The following PNLIPRP3 variants were observed in gnomAD, a reference collection of about 807,000 sequenced individuals.
PNLIPRP3 encodes the protein pancreatic lipase related protein 3.
PNLIPRP3 carries 58 observed loss-of-function variants against 52.8 expected under a neutral mutation model. The ratio of observed to expected loss-of-function variants is 1.10; its 90% CI spans 0.89 to 1.37. PNLIPRP3 has a LOEUF of 1.37. Ranked by LOEUF, PNLIPRP3 falls within the 40% of genes most tolerant of loss-of-function variation. The probability of loss-of-function intolerance (pLI) is 0.00; values close to 1 mark genes in which losing one functional copy is unlikely to be tolerated. For missense variants in PNLIPRP3, 593 were observed against 561.6 expected, an observed-to-expected ratio of 1.06 and a Z score of -0.57; for synonymous variants, 192 against 185.0, an observed-to-expected ratio of 1.04 and a Z score of -0.31.
intron 11 of PNLIPRP3, 132 bp downstream of exon 11, chr10:116,476,951 G>A: frequency 1.7e-6 from 2 of 1,193,278 alleles, no homozygotes; most frequent in Non-Finnish European, 2.3e-6. Context: ...TAAAGAAAGG[G>A]AAAAGTTAAG....
chr10:116,472,117 T>C (rs1459388022), intron 10 of PNLIPRP3, among the ~76,000 whole-genome samples: 4 of 152,152 alleles, frequency 2.6e-5, no homozygotes, highest in Non-Finnish European at 5.9e-5. Flanking sequence ...AACATGAAAA[T>C]ACAGATCTAG....
At chr10:116,452,633 G>C (rs1435624280) in intron 4 of PNLIPRP3, among the ~76,000 whole-genome samples, 3 of 152,170 alleles carry the variant, frequency 2.0e-5, no homozygotes, top group African/African-American at 7.2e-5. Flanking sequence ...CTGCATCCCA[G>C]CTGCTCAGGC....
chr10:116,448,040 A>G (rs145585379), intron 4 of PNLIPRP3, among the ~76,000 whole-genome samples: 45 of 121,290 alleles, frequency 3.7e-4, no homozygotes, highest in African/African-American at 1.2e-3. Flanking sequence ...GAAAGAAAGA[A>G]AGAGAAAGAA....
chr10:116,433,114 CAAAAAAAAAAAAAAA>C (rs71010080), intron 1 of PNLIPRP3, among the ~76,000 whole-genome samples: 20 of 8,506 alleles, frequency 2.4e-3, no homozygotes, highest in Admixed American at 0.019. Context: ...AACTCCATCT[CAAAAAAAAAAAAAAA>C]AAAAAAAAAA....
chr10:116,454,979 G>A (rs866958240), intron 4 of PNLIPRP3, among the ~76,000 whole-genome samples: 1 of 152,114 alleles, frequency 6.6e-6, no homozygotes, highest in Non-Finnish European at 1.5e-5. Context: ...CTCCATAGTG[G>A]CTATACCTAT....
At chr10:116,466,254 G>C in intron 8 of PNLIPRP3, 86 bp downstream of exon 8, 1 of 990,064 alleles carries the variant, frequency 1.0e-6, no homozygotes, top group South Asian at 1.6e-5. Context: ...GCTTTGTGTA[G>C]GTAGCAAAAA....
At position 116,455,730 on chromosome 10, in the gene PNLIPRP3, T is replaced by G; in HGVS notation, c.465T>G (p.Phe155Leu). Residue 155 changes from phenylalanine (F) to leucine (L), a missense_variant, in exon 5 of 12, where the codon TTT becomes TTG. Coordinates refer to ENST00000369230, the MANE Select transcript of PNLIPRP3 (RefSeq NM_001011709.3). ...AYFIDVLMKK[F>L]EYSPSKVHLI... The stretch of plus-strand genomic sequence containing the variant: ...TTAAACAATTCTTTCAGAAAAAATT[T>G]GAATATTCCCCTTCTAAAGTGCACT... 6.2e-7 allele frequency: 1 copy of G among 1,613,156 alleles called. No individual in the cohort carries two copies. Among genetic ancestry groups the G allele is most frequent in the Non-Finnish European group, 8.5e-7 (1 of 1,179,368 alleles).
rs1845917177 is a variant in PNLIPRP3, at chr10:116,444,642, T to G, written c.456+129T>G. ...ACTGAACATGTGAAATAATAAGCAT[T>G]TGTATATGGCAGACAAAAAAGGAAA... On this transcript the variant is annotated intron_variant, in intron 4 of 11. Transcript: ENST00000369230. 5.2e-6 allele frequency: 5 copies of G among 959,564 alleles called. No individual in the cohort carries two copies. The East Asian group carries it at 1.2e-4, about 24-fold the overall frequency. The allele number at this position is 959,564 out of a possible 1,614,324, so 59.4% of individuals were successfully genotyped here. A position where few individuals can be genotyped will look rare whatever the true frequency, so the allele number is the denominator to read the frequency against.
chr10:116,434,014 AT>A (rs919586497), intron 1 of PNLIPRP3, among the ~76,000 whole-genome samples: 1 of 152,134 alleles, frequency 6.6e-6, no homozygotes, highest in African/African-American at 2.4e-5. Context: ...ATAGCAATAC[AT>A]TTCTCTTAGA....
intron 9 of PNLIPRP3, among the ~76,000 whole-genome samples, chr10:116,469,976 A>G (rs1035272106): frequency 7.2e-5 from 11 of 152,044 alleles, no homozygotes; most frequent in Non-Finnish European, 1.5e-4. Flanking sequence ...CAGGCAAAAA[A>G]AAAAAAAAAA....
At chr10:116,443,801 GCATATATATA>G (rs1464112962) in intron 3 of PNLIPRP3, among the ~76,000 whole-genome samples, 392 of 11,152 alleles carry the variant, frequency 0.035, 8 homozygotes, top group Middle Eastern at 0.12. Flanking sequence ...ATGTGTGTGT[GCATATATATA>G]TATATATATA....
Position 116,428,008 on chromosome 10 carries a change from C to T in PNLIPRP3, c.-5C>T, listed in dbSNP as rs1175841844. The T allele has an allele frequency of 2.9e-5, 47 of 1,606,850 alleles. No individual in the cohort carries two copies. Among genetic ancestry groups the T allele is most frequent in the Non-Finnish European group, 3.7e-5 (43 of 1,174,506 alleles). The stretch of plus-strand genomic sequence containing the variant: ...ATTTTTATGTGATTTAAAAAATCAG[C>T]TTAGATGCTTGGAATTTGGATTGTT... On this transcript the variant is annotated 5_prime_UTR_variant, in exon 1 of 12. Transcript: ENST00000369230.
chr10:116,435,997 CAT>C (rs1757065035), intron 1 of PNLIPRP3, among the ~76,000 whole-genome samples: 1 of 152,154 alleles, frequency 6.6e-6, no homozygotes, highest in Non-Finnish European at 1.5e-5. Flanking sequence ...AAAACAGACA[CAT>C]AAACAAATGG....
intron 5 of PNLIPRP3, 133 bp from the exon 6 acceptor site, chr10:116,460,833 G>C (rs1201257535): frequency 2.5e-6 from 3 of 1,210,710 alleles, no homozygotes; most frequent in Non-Finnish European, 3.4e-6. Context: ...ATAGATTTAG[G>C]TTATGTATCT....
chr10:116,465,952 C>G (rs1233121519), intron 7 of PNLIPRP3, 98 bp from the exon 8 acceptor site: 6 of 876,580 alleles, frequency 6.8e-6, no homozygotes, highest in Non-Finnish European at 1.1e-5. Context: ...CCTCCCAACT[C>G]AAGAAGACTG....
intron 1 of PNLIPRP3, among the ~76,000 whole-genome samples, chr10:116,435,892 A>C (rs953505501): frequency 1.3e-5 from 2 of 152,254 alleles, no homozygotes; most frequent in Non-Finnish European, 2.9e-5. Flanking sequence ...AGCAATCTTA[A>C]GAAAGAAGAA....
chr10:116,433,438 CACA>C (rs1391341672), intron 1 of PNLIPRP3, among the ~76,000 whole-genome samples: 2 of 152,068 alleles, frequency 1.3e-5, no homozygotes, highest in African/African-American at 4.8e-5. Context: ...GCTAGAAATG[CACA>C]AAAGGATATT....
intron 4 of PNLIPRP3, among the ~76,000 whole-genome samples, chr10:116,450,063 C>T (rs1846012745): frequency 6.6e-6 from 1 of 151,964 alleles, no homozygotes; most frequent in Admixed American, 6.6e-5. Context: ...AAAACAAAAA[C>T]ACAACATACC....
At position 116,427,850 on chromosome 10, in the gene PNLIPRP3, T is replaced by C; in HGVS notation, c.-163T>C. The stretch of plus-strand genomic sequence containing the variant: ...TAAGGCACACCCCGATAATTTTATT[T>C]ACTTTGCAGAGCATAAGGTGGAATA... On this transcript the variant is annotated 5_prime_UTR_variant, in exon 1 of 12. Transcript: ENST00000369230. The C allele has an allele frequency of 1.7e-6, 1 of 587,028 alleles. No homozygotes were observed. The highest frequency in any genetic ancestry group is 3.1e-6 in the Non-Finnish European group (1 of 326,106). The allele number at this position is 587,028 out of a possible 1,614,324, so 36.4% of individuals were successfully genotyped here.
Sources: allele counts gnomAD v4.1 joint callset (sites outside exome capture counted in the v4.1 genomes callset), GRCh38; gene constraint gnomAD v4.1.1; transcripts MANE v1.5; gene names NCBI Gene and HGNC (gene_info 2026-07-23, HGNC 2026-07-21).